The following NLGN1 variants were observed in gnomAD, a reference collection of about 807,000 sequenced individuals.
NLGN1 encodes neuroligin 1.
A neutral mutation model predicts 65.5 loss-of-function variants in NLGN1; 12 were observed. The observed-to-expected ratio is 0.18, with a 90% CI of 0.12 to 0.30. NLGN1 has a LOEUF of 0.30. Among genes scored for constraint, NLGN1 ranks in the 10% least tolerant of loss-of-function variants. The probability of loss-of-function intolerance (pLI) is 1.00; values close to 1 mark genes in which losing one functional copy is unlikely to be tolerated. For missense variants in NLGN1, 750 were observed against 1,007.1 expected (o/e 0.74, Z 3.46); for synonymous variants, 350 against 359.5 (o/e 0.97, Z 0.30).
At chr3:174,147,520 A>G (rs1723558503) in intron 4 of NLGN1, among the ~76,000 whole-genome samples, 3 of 127,094 alleles carry the variant, frequency 2.4e-5, no homozygotes, top group South Asian at 5.0e-4. Context: ...TGCAACCTCC[A>G]CTTCCTGGGT....
chr3:174,261,451 T>C (rs1329122882), intron 4 of NLGN1, among the ~76,000 whole-genome samples: 1 of 149,526 alleles, frequency 6.7e-6, no homozygotes, highest in Non-Finnish European at 1.5e-5. Context: ...GAAGCAATTG[T>C]GAATGGGAGT....
chr3:173,441,266 T>A (rs1258839707), intron 2 of NLGN1, among the ~76,000 whole-genome samples: 1 of 152,204 alleles, frequency 6.6e-6, no homozygotes, highest in African/African-American at 2.4e-5. Flanking sequence ...TTGTTTTGCT[T>A]TCTTAACATT....
rs190080523 is a variant in NLGN1 at position 173,538,185 on chromosome 3, G to A, written c.-320-66094G>A. On this transcript the variant is annotated intron_variant, in intron 2 of 6. Transcript: ENST00000457714. ...CCTGGGAGAAACAGCACCATATATT[G>A]GATGCTGATTCAGACCGCATACAGC... is the stretch of plus-strand genomic sequence containing the variant. Among the ~76,000 whole-genome samples, 19 of 152,272 alleles carry A rather than the reference G, an allele frequency of 1.2e-4. No individual in the cohort carries two copies. In the East Asian group the frequency reaches 2.1e-3, roughly 17 times the overall value.
chr3:173,788,206 C>CA (rs537790655), intron 3 of NLGN1, among the ~76,000 whole-genome samples: 2,974 of 60,322 alleles, frequency 0.049, 84 homozygotes, highest in East Asian at 0.09. Context: ...TGACATTTTG[C>CA]AAAAAAAAAA....
At chr3:173,843,419 A>T (rs1477089171) in intron 4 of NLGN1, among the ~76,000 whole-genome samples, 1 of 152,150 alleles carries the variant, frequency 6.6e-6, no homozygotes, top group Non-Finnish European at 1.5e-5. Flanking sequence ...TTTCTATTGC[A>T]TTGTCAGGCT....
chr3:173,462,066 T>C (rs2148891928), intron 2 of NLGN1, among the ~76,000 whole-genome samples: 1 of 152,320 alleles, frequency 6.6e-6, no homozygotes. Flanking sequence ...GTAAGAGAAA[T>C]TAAGTAAAAA....
intron 4 of NLGN1, among the ~76,000 whole-genome samples, chr3:174,042,272 G>C (rs945775242): frequency 6.6e-6 from 1 of 151,904 alleles, no homozygotes; most frequent in African/African-American, 2.4e-5. Flanking sequence ...TGTGTGATCT[G>C]TTTAAGAAAG....
chr3:173,594,155 A>G (rs755826302), intron 2 of NLGN1, among the ~76,000 whole-genome samples: 2 of 152,194 alleles, frequency 1.3e-5, no homozygotes, highest in Admixed American at 6.5e-5. Context: ...GTCTTAACTC[A>G]TTCCATAATT....
chr3:173,432,961 T>C (rs1002833877), intron 1 of NLGN1, among the ~76,000 whole-genome samples: 10 of 152,172 alleles, frequency 6.6e-5, no homozygotes, highest in African/African-American at 2.4e-4. Flanking sequence ...TATATATTCA[T>C]CCAATTTATA....
intron 4 of NLGN1, among the ~76,000 whole-genome samples, chr3:174,271,961 AT>A (rs879630702): frequency 2.6e-5 from 4 of 151,626 alleles, no homozygotes; most frequent in Non-Finnish European, 5.9e-5. Context: ...TGGGGGGAAA[AT>A]TTTGTGCATT....
intron 2 of NLGN1, among the ~76,000 whole-genome samples, chr3:173,554,419 C>T (rs2149274032): frequency 6.6e-6 from 1 of 152,188 alleles, no homozygotes; most frequent in South Asian, 2.1e-4. Flanking sequence ...TTCCATCATC[C>T]CCAAATGAAA....
At chr3:173,539,411 TTA>T (rs962972467) in intron 2 of NLGN1, among the ~76,000 whole-genome samples, 5 of 146,302 alleles carry the variant, frequency 3.4e-5, no homozygotes, top group East Asian at 2.0e-4. Context: ...ATGTTATATA[TTA>T]TATATGTTAT....
At chr3:173,642,265 A>G (rs1208764114) in intron 3 of NLGN1, among the ~76,000 whole-genome samples, 1 of 152,206 alleles carries the variant, frequency 6.6e-6, no homozygotes, top group Non-Finnish European at 1.5e-5. Flanking sequence ...AATATGCCAT[A>G]CAACTCTCCC....
chr3:174,098,226 A>C lies in NLGN1; in HGVS notation c.647-177089A>C, dbSNP rs114466831. Among the ~76,000 whole-genome samples, 1,412 of 152,312 alleles carry C rather than the reference A, an allele frequency of 9.3e-3. 8 individuals carry two copies. Among genetic ancestry groups the C allele is most frequent in the Middle Eastern group, 0.034 (10 of 294 alleles). On this transcript the variant is annotated intron_variant, in intron 4 of 6. Coordinates refer to ENST00000457714, the Ensembl canonical transcript of NLGN1. ...CTTTGAGAGTTTCATTTGCCTCCCG[A>C]ACATTTTTCCTTCAATTGTGGCTGT...
chr3:173,877,123 C>T (rs1014459994), intron 4 of NLGN1, among the ~76,000 whole-genome samples: 11 of 152,046 alleles, frequency 7.2e-5, no homozygotes, highest in African/African-American at 1.4e-4. Context: ...ACCAAGTGAT[C>T]GATTTTAATT....
intron 3 of NLGN1, among the ~76,000 whole-genome samples, chr3:173,710,626 G>C (rs773929792): frequency 6.6e-6 from 1 of 152,152 alleles, no homozygotes; most frequent in African/African-American, 2.4e-5. Context: ...GTCTTTGATA[G>C]CATGGGTTTT....
At chr3:173,992,567 G>T (rs1317757459) in intron 4 of NLGN1, among the ~76,000 whole-genome samples, 3 of 152,048 alleles carry the variant, frequency 2.0e-5, no homozygotes, top group Admixed American at 6.6e-5. Context: ...TCCCATGAAA[G>T]AATTATTTTT....
chr3:174,285,647 C>G (rs1472289256), exon 7 of NLGN1: 6 of 151,408 alleles, frequency 4.0e-5, no homozygotes, highest in Non-Finnish European at 3.0e-5. Context: ...CATAAGCATT[C>G]TGATTTGATT....
intron 2 of NLGN1, among the ~76,000 whole-genome samples, chr3:173,570,163 A>G (rs569782921): frequency 6.6e-6 from 1 of 152,154 alleles, no homozygotes; most frequent in East Asian, 1.9e-4. Flanking sequence ...TGAAGGGTTA[A>G]TAGAGGCAGT....
Sources: gnomAD v4.1 joint callset for allele counts (sites outside exome capture counted in the v4.1 genomes callset) on GRCh38, gnomAD v4.1.1 for gene constraint, MANE v1.5 for transcripts, NCBI Gene and HGNC (gene_info 2026-07-23, HGNC 2026-07-21) for gene names.